SPIRE1: variants seen among roughly 807,000 people sequenced by gnomAD.
The protein encoded by SPIRE1 is spire type actin nucleation factor 1, also known as protein spire homolog 1.
A neutral mutation model predicts 94.1 loss-of-function variants in SPIRE1; 40 were observed. The observed-to-expected ratio is 0.43, with a 90% CI of 0.33 to 0.55. The LOEUF is 0.55. Ranked by LOEUF, SPIRE1 falls within the 20% of genes least tolerant of loss-of-function variation. SPIRE1 has a pLI of 0.06. For synonymous variants in SPIRE1, 376 were observed against 371.7 expected, an observed-to-expected ratio of 1.01 and a Z score of -0.13; for missense variants, 838 against 975.2, an observed-to-expected ratio of 0.86 and a Z score of 1.87.
chr18:12,611,840 T>C (rs566415319), intron 2 of SPIRE1, among the ~76,000 whole-genome samples: 1 of 151,628 alleles, frequency 6.6e-6, no homozygotes, highest in Admixed American at 6.6e-5. Flanking sequence ...CTTTTCTTTT[T>C]TTTTTTGTAT....
At chr18:12,514,584 T>G (rs12607972) in intron 4 of SPIRE1, among the ~76,000 whole-genome samples, 7,813 of 152,240 alleles carry the variant, frequency 0.051, 293 homozygotes, top group South Asian at 0.085. Context: ...CATGTTTAAA[T>G]ACTTAAACCT....
At chr18:12,508,399 A>G (rs1473119495) in intron 5 of SPIRE1, among the ~76,000 whole-genome samples, 1 of 152,172 alleles carries the variant, frequency 6.6e-6, no homozygotes, top group African/African-American at 2.4e-5. Context: ...CTTATGGTGT[A>G]CCATTAGATG....
chr18:12,486,081 T>C, intron 8 of SPIRE1, 81 bp from the exon 9 acceptor site: 1 of 1,071,462 alleles, frequency 9.3e-7, no homozygotes. Context: ...AGGGAACGGA[T>C]TAATGAAGAC....
chr18:12,480,777 TG>T (rs1388840576), intron 9 of SPIRE1, among the ~76,000 whole-genome samples: 1 of 152,176 alleles, frequency 6.6e-6, no homozygotes, highest in African/African-American at 2.4e-5. Context: ...CCAAGGCAAA[TG>T]GAACTACTTT....
At chr18:12,504,791 GA>G (rs1278668641) in intron 6 of SPIRE1, among the ~76,000 whole-genome samples, 2 of 152,182 alleles carry the variant, frequency 1.3e-5, no homozygotes, top group Non-Finnish European at 2.9e-5. Flanking sequence ...AAGAGATGGA[GA>G]AGACTTTTCT....
intron 2 of SPIRE1, among the ~76,000 whole-genome samples, chr18:12,557,364 G>C (rs1446230166): frequency 6.6e-6 from 1 of 152,210 alleles, no homozygotes. Flanking sequence ...GGGGAACTCA[G>C]CGCACCCTCT....
At chr18:12,478,796 TG>T (rs1480187120) in intron 10 of SPIRE1, among the ~76,000 whole-genome samples, 4 of 152,096 alleles carry the variant, frequency 2.6e-5, no homozygotes, top group African/African-American at 9.7e-5. Context: ...GGGCTTGAGA[TG>T]GATGTGGGAA....
chr18:12,467,271 C>CT (rs367555767), intron 10 of SPIRE1, among the ~76,000 whole-genome samples: 378 of 152,176 alleles, frequency 2.5e-3, no homozygotes, highest in Non-Finnish European at 4.7e-3. Flanking sequence ...GAGCAAGACT[C>CT]TGTCTCAAAA....
At chr18:12,496,190 T>C (rs1424831620) in intron 6 of SPIRE1, 88 bp from the exon 7 acceptor site, 1 of 857,930 alleles carries the variant, frequency 1.2e-6, no homozygotes, top group Non-Finnish European at 1.9e-6. Flanking sequence ...AAATATGCCA[T>C]AAAATTAGTG....
At chr18:12,641,980 C>T (rs1468172122) in intron 1 of SPIRE1, among the ~76,000 whole-genome samples, 2 of 151,752 alleles carry the variant, frequency 1.3e-5, no homozygotes, top group South Asian at 2.1e-4. Flanking sequence ...TACAGGCACG[C>T]ACCACCACGC....
intron 2 of SPIRE1, among the ~76,000 whole-genome samples, chr18:12,626,886 A>ATATATATATATATATATATATATATT (rs55915333): frequency 8.9e-6 from 1 of 111,894 alleles, no homozygotes; most frequent in African/African-American, 3.0e-5. Flanking sequence ...ATATATATAT[A>ATATATATATATATATATATATATATT]TTTTTTTTTT....
chr18:12,597,197 C>G (rs958742574), intron 2 of SPIRE1, among the ~76,000 whole-genome samples: 2 of 111,050 alleles, frequency 1.8e-5, no homozygotes, highest in Non-Finnish European at 4.1e-5. Flanking sequence ...CACACACACA[C>G]ACACACACAG....
At chr18:12,561,911 G>C (rs1402805804) in intron 2 of SPIRE1, among the ~76,000 whole-genome samples, 1 of 152,234 alleles carries the variant, frequency 6.6e-6, no homozygotes, top group East Asian at 1.9e-4. Flanking sequence ...AATTGCAAAA[G>C]AACTTTTGAT....
intron 3 of SPIRE1, among the ~76,000 whole-genome samples, chr18:12,544,483 C>A (rs945001211): frequency 1.3e-5 from 2 of 151,612 alleles, no homozygotes; most frequent in African/African-American, 4.8e-5. Flanking sequence ...GGATTACAGG[C>A]ATCAGCTATC....
intron 4 of SPIRE1, among the ~76,000 whole-genome samples, chr18:12,515,839 C>A (rs1598428786): frequency 6.6e-6 from 1 of 152,170 alleles, no homozygotes; most frequent in Non-Finnish European, 1.5e-5. Flanking sequence ...CTGCTGAGCT[C>A]CCTGTGGGAT....
chr18:12,512,295 C>T (rs757875286), intron 5 of SPIRE1, among the ~76,000 whole-genome samples, 159 bp downstream of exon 5: 1 of 151,338 alleles, frequency 6.6e-6, no homozygotes, highest in Admixed American at 6.6e-5. Flanking sequence ...ACCCAGGAGG[C>T]GGGGGTTGCA....
rs1161611913 is a variant in SPIRE1, at chr18:12,452,475, C to T, written c.1875+10G>A. 6.2e-7 allele frequency: 1 copy of T among 1,613,990 alleles called. No homozygotes were observed. The highest frequency in any genetic ancestry group is 8.5e-7 in the Non-Finnish European group (1 of 1,180,040). On this transcript the variant is annotated intron_variant, in intron 15 of 16. Transcript: ENST00000409402. ...GGAACACAAGTATAAATGAACCAAG[C>T]TTAGCTTACCTTTTTGCAACACTGT...
chr18:12,453,173 T>C, intron 13 of SPIRE1, 35 bp from the exon 14 acceptor site: 1 of 1,463,764 alleles, frequency 6.8e-7, no homozygotes, highest in Admixed American at 1.9e-5. Context: ...AAAAAAACAT[T>C]GCCAACAGCA....
rs753346539 is a variant in SPIRE1 at position 12,493,167 on chromosome 18, C to T, written c.1094G>A (p.Arg365Gln). 23 of 1,613,258 alleles carry T rather than the reference C, an allele frequency of 1.4e-5. No individual in the cohort carries two copies. Among genetic ancestry groups the T allele is most frequent in the Admixed American group, 5.0e-5 (3 of 59,910 alleles). Residue 365 changes from arginine (R) to glutamine (Q), a missense_variant, in exon 8 of 17, where the codon CGG (arginine) becomes CAG (glutamine). Physicochemically the swap from Arg to Gln is conservative, Grantham distance 43. Coordinates refer to ENST00000409402, the MANE Select transcript of SPIRE1 (RefSeq NM_001128626.2). The part of the protein sequence containing the change: ...SARKLKPTPP[R>Q]PRSLHERILE... The stretch of plus-strand genomic sequence containing the variant: ...TATTCTTTCATGGAGGCTCCGTGGC[C>T]GTGGTGGAGTTGGTTTCAGTTTTCT...
Sources: allele counts gnomAD v4.1 joint callset (sites outside exome capture counted in the v4.1 genomes callset), GRCh38; gene constraint gnomAD v4.1.1; transcripts MANE v1.5; gene names NCBI Gene and HGNC (gene_info 2026-07-23, HGNC 2026-07-21).